The following RALGAPA1 variants were observed in gnomAD, a reference collection of about 807,000 sequenced individuals.
RALGAPA1 encodes the protein Ral GTPase activating protein catalytic subunit alpha 1.
A neutral mutation model predicts 269.6 loss-of-function variants in RALGAPA1; 52 were observed. The observed-to-expected ratio is 0.19, with a 90% CI of 0.15 to 0.24. RALGAPA1 has a LOEUF of 0.24. Among genes scored for constraint, RALGAPA1 ranks in the 10% least tolerant of loss-of-function variants. The pLI, the probability that RALGAPA1 is intolerant of heterozygous loss-of-function variation, is 1.00. For synonymous variants in RALGAPA1, 817 were observed against 1,008.3 expected (o/e 0.81, Z 3.60); for missense variants, 1,917 against 3,013.9 (o/e 0.64, Z 8.52).
At chr14:35,752,568 G>A (rs112705368) in intron 7 of RALGAPA1, among the ~76,000 whole-genome samples, 37 of 152,234 alleles carry the variant, frequency 2.4e-4, no homozygotes, top group African/African-American at 8.4e-4. Flanking sequence ...GACACAGGAC[G>A]CAGGGCATCC....
intron 1 of RALGAPA1, among the ~76,000 whole-genome samples, chr14:35,797,583 C>T (rs1473917340): frequency 1.3e-5 from 2 of 151,872 alleles, no homozygotes; most frequent in Non-Finnish European, 2.9e-5. Flanking sequence ...CAGTGGCTCA[C>T]GCCTGTAATC....
chr14:35,664,743 G>T lies in RALGAPA1; in HGVS notation c.5227C>A (p.Leu1743Ile), dbSNP rs1407735093. 1 of 1,611,590 alleles carries T rather than the reference G, an allele frequency of 6.2e-7. No individual in the cohort carries two copies. The highest frequency in any genetic ancestry group is 8.5e-7 in the Non-Finnish European group (1 of 1,179,314). Residue 1743 changes from leucine to isoleucine, a missense_variant, in exon 27 of 42, where the codon CTT becomes ATT. Leu to Ile is a conservative substitution (Grantham distance 5). Coordinates refer to ENST00000680220, the MANE Select transcript of RALGAPA1 (RefSeq NM_001346249.2). Reference protein sequence around the residue: ...LNAPRVEAQVLLGSLVCFPNL... With the variant: ...LNAPRVEAQVILGSLVCFPNL... ...GGAAAGCAAACCAAAGATCCCAGAAGAACTTGTGCTTCTACTCTTGGTGCC... is the reference window on the plus strand; with the variant it reads ...GGAAAGCAAACCAAAGATCCCAGAATAACTTGTGCTTCTACTCTTGGTGCC...
In RALGAPA1 at chr14:35,681,170, G is replaced by A. The variant is rs865844121; in HGVS notation, c.4471+2639C>T. 2.0e-5 allele frequency among the ~76,000 whole-genome samples: 3 copies of A among 152,268 alleles called. No homozygotes were observed. The Middle Eastern group carries it at 0.01, about 518-fold the overall frequency. ...ACTATTGCGTTAGTAGTATGATAATGTATGCAAACTTCACTCTTGGAAAAT... is the reference window on the plus strand; with the variant it reads ...ACTATTGCGTTAGTAGTATGATAATATATGCAAACTTCACTCTTGGAAAAT... On this transcript the variant is annotated intron_variant, in intron 21 of 41. Coordinates refer to ENST00000680220, the MANE Select transcript of RALGAPA1 (RefSeq NM_001346249.2).
chr14:35,706,369 C>G (rs1322647676), intron 16 of RALGAPA1, among the ~76,000 whole-genome samples: 1 of 152,136 alleles, frequency 6.6e-6, no homozygotes, highest in Non-Finnish European at 1.5e-5. Context: ...ATTGTTACAG[C>G]ACCATGTTGA....
Position 35,738,586 on chromosome 14 carries a change from T to C in RALGAPA1, c.1514A>G (p.Gln505Arg), listed in dbSNP as rs751128181. The C allele has an allele frequency of 3.7e-6, 6 of 1,613,712 alleles. No homozygotes were observed. Among genetic ancestry groups the C allele is most frequent in the Non-Finnish European group, 5.1e-6 (6 of 1,179,814 alleles). ...NSSWAKNGSY[Q>R]GALHNASEEA... ...TTCAGAGGCGTTATGAAGAGCACCT[T>C]GGTAGGAGCCGTTTTTTGCCCAACT... The change falls in exon 12 of 42, where the codon CAA becomes CGA. Residue 505 changes from glutamine (Q) to arginine (R), a missense_variant. Transcript: ENST00000680220.
At chr14:35,643,188 G>A (rs530120678) in intron 31 of RALGAPA1, among the ~76,000 whole-genome samples, 178 of 152,076 alleles carry the variant, frequency 1.2e-3, no homozygotes, top group Non-Finnish European at 2.3e-3. Context: ...TTCGAGGGGT[G>A]GGGGGAGGCG....
chr14:35,712,393 C>G (rs1352646907), intron 16 of RALGAPA1, among the ~76,000 whole-genome samples: 1 of 152,114 alleles, frequency 6.6e-6, no homozygotes, highest in East Asian at 1.9e-4. Context: ...CTATCACTTT[C>G]ATTCTTTATA....
intron 16 of RALGAPA1, among the ~76,000 whole-genome samples, chr14:35,708,626 G>A (rs2068019676): frequency 2.0e-5 from 3 of 152,114 alleles, no homozygotes. Context: ...GTGAAGAAAA[G>A]GGAACCCTCA....
chr14:35,622,124 T>A (rs2060670442), intron 35 of RALGAPA1, among the ~76,000 whole-genome samples: 1 of 152,290 alleles, frequency 6.6e-6, no homozygotes, highest in African/African-American at 2.4e-5. Flanking sequence ...CAAATGTCCA[T>A]CAATGATAGA....
In RALGAPA1 at chr14:35,714,894, A is replaced by C. The variant is rs147504460; in HGVS notation, c.2266+6794T>G. Among the ~76,000 whole-genome samples the C allele has an allele frequency of 5.3e-3, 804 of 152,268 alleles. 6 individuals carry two copies. The highest frequency in any genetic ancestry group is 0.01 in the Middle Eastern group (3 of 294). On this transcript the variant is annotated intron_variant, in intron 16 of 41. Transcript: ENST00000680220. ...ATAATGATAGTTATTTTTCCTTAGC[A>C]CTTTGAAGATATTATCATGCTGTTC...
At chr14:35,563,335 T>G (rs1335562959) in intron 39 of RALGAPA1, among the ~76,000 whole-genome samples, 1 of 151,972 alleles carries the variant, frequency 6.6e-6, no homozygotes, top group Non-Finnish European at 1.5e-5. Flanking sequence ...GTAGAAAAAG[T>G]AGAGATGGGC....
intron 31 of RALGAPA1, among the ~76,000 whole-genome samples, chr14:35,647,502 C>CT (rs2062512896): frequency 6.6e-6 from 1 of 152,062 alleles, no homozygotes; most frequent in South Asian, 2.1e-4. Context: ...TTCAATATAT[C>CT]TATTTGTCCA....
intron 32 of RALGAPA1, among the ~76,000 whole-genome samples, chr14:35,635,212 C>G (rs1267445082): frequency 6.6e-6 from 1 of 151,856 alleles, no homozygotes; most frequent in East Asian, 1.9e-4. Flanking sequence ...TTCAATACCT[C>G]TTACAAAGAA....
chr14:35,789,211 T>C (rs2075992418), intron 1 of RALGAPA1, among the ~76,000 whole-genome samples: 1 of 151,832 alleles, frequency 6.6e-6, no homozygotes. Flanking sequence ...ATAAGGGTGA[T>C]GGGAAGGCAG....
intron 37 of RALGAPA1, among the ~76,000 whole-genome samples, chr14:35,574,107 G>T (rs1009646577): frequency 6.6e-6 from 1 of 152,118 alleles, no homozygotes; most frequent in South Asian, 2.1e-4. Context: ...AGTAATAAAC[G>T]ATAGTAAAAG....
chr14:35,758,383 C>T (rs2073391110), intron 6 of RALGAPA1, among the ~76,000 whole-genome samples: 1 of 151,802 alleles, frequency 6.6e-6, no homozygotes. Context: ...TTTTGTGAAG[C>T]TATAAAAACC....
chr14:35,641,463 T>A (rs930415140), intron 31 of RALGAPA1, among the ~76,000 whole-genome samples: 4 of 152,042 alleles, frequency 2.6e-5, no homozygotes, highest in African/African-American at 9.7e-5. Context: ...CAGTGAACAA[T>A]CTGAAAAAGA....
intron 31 of RALGAPA1, among the ~76,000 whole-genome samples, chr14:35,639,338 C>T (rs1420373705): frequency 2.0e-5 from 3 of 152,138 alleles, no homozygotes; most frequent in Admixed American, 6.5e-5. Flanking sequence ...TAGCTGAAGA[C>T]TTAAACACCA....
rs560550103 is a variant in RALGAPA1, at chr14:35,679,492, C to T, written c.4472-1390G>A. Among the ~76,000 whole-genome samples the T allele has an allele frequency of 2.6e-5, 4 of 152,270 alleles. No individual in the cohort carries two copies. In the South Asian group the frequency reaches 8.3e-4, roughly 32 times the overall value. ...TGCTCAGAACACTTAAATTAGCTTACAGTTGGGCAAAATCATCTAATGCAA... is the reference window on the plus strand; with the variant it reads ...TGCTCAGAACACTTAAATTAGCTTATAGTTGGGCAAAATCATCTAATGCAA... On this transcript the variant is annotated intron_variant, in intron 21 of 41. Coordinates refer to ENST00000680220, the MANE Select transcript of RALGAPA1 (RefSeq NM_001346249.2).
Sources: gnomAD v4.1 joint callset for allele counts (sites outside exome capture counted in the v4.1 genomes callset) on GRCh38, gnomAD v4.1.1 for gene constraint, MANE v1.5 for transcripts, NCBI Gene and HGNC (gene_info 2026-07-23, HGNC 2026-07-21) for gene names.